The following MMS22L variants were observed in gnomAD, a reference collection of about 807,000 sequenced individuals.
The protein encoded by MMS22L is protein MMS22-like.
Under a neutral mutation model 159.1 loss-of-function variants are expected in MMS22L, and 74 were observed. The ratio of observed to expected loss-of-function variants is 0.47; its 90% CI spans 0.39 to 0.56. MMS22L has a LOEUF of 0.56. Among genes scored for constraint, MMS22L ranks in the 20% least tolerant of loss-of-function variants. The probability of loss-of-function intolerance (pLI) is 0.00; values close to 1 mark genes in which losing one functional copy is unlikely to be tolerated. For synonymous variants in MMS22L, 517 were observed against 506.9 expected (o/e 1.02, Z -0.27); for missense variants, 1,351 against 1,422.1 (o/e 0.95, Z 0.80).
Position 97,162,160 on chromosome 6 carries a change from G to C in MMS22L, c.3227C>G (p.Ser1076Cys). ...TGAGGACCCCTTATACTCAAGGTAG[G>C]ATTTCCTGAAAAGAAGCAAAATTTG... Reference protein sequence around the residue: ...KKCIVQVIRKSYLEYKGSSPP... With the variant: ...KKCIVQVIRKCYLEYKGSSPP... The change falls in exon 22 of 25, where the codon TCC (serine) becomes TGC (cysteine). Residue 1076 changes from serine to cysteine, a missense_variant. Physicochemically the swap from Ser to Cys is moderately radical, Grantham distance 112 (BLOSUM62 -1). Transcript: ENST00000683635. 6.3e-7 allele frequency: 1 copy of C among 1,588,422 alleles called. No individual in the cohort carries two copies. Among genetic ancestry groups the C allele is most frequent in the Non-Finnish European group, 8.5e-7 (1 of 1,172,636 alleles).
intron 14 of MMS22L, among the ~76,000 whole-genome samples, chr6:97,199,398 A>T (rs928763043): frequency 3.3e-5 from 5 of 152,120 alleles, no homozygotes; most frequent in Non-Finnish European, 5.9e-5. Context: ...TTTATAATTT[A>T]CCTTAACGGA....
intron 11 of MMS22L, among the ~76,000 whole-genome samples, chr6:97,236,843 C>T (rs1318418172): frequency 6.6e-6 from 1 of 151,602 alleles, no homozygotes; most frequent in Non-Finnish European, 1.5e-5. Flanking sequence ...CCCAGCTACT[C>T]AGAAGGCTGA....
rs371367537 is a variant in MMS22L at position 97,269,225 on chromosome 6, CAT to C, written c.697+675_697+676del. 1.4e-3 allele frequency among the ~76,000 whole-genome samples: 214 copies of C among 152,152 alleles called. 1 individual carries two copies. Among genetic ancestry groups the C allele is most frequent in the African/African-American group, 4.6e-3 (190 of 41,550 alleles). On this transcript the variant is annotated intron_variant, in intron 7 of 24. Coordinates refer to ENST00000683635, the MANE Select transcript of MMS22L (RefSeq NM_001350599.2). Reference sequence around the variant, plus strand: ...TAAAAAAAAGCCATTTCATTTTTCACATGTTAGCTGGCAAAAAATAAAATATA... The same window carrying C: ...TAAAAAAAAGCCATTTCATTTTTCACGTTAGCTGGCAAAAAATAAAATATA...
At chr6:97,221,560 T>C (rs1206830600) in intron 14 of MMS22L, among the ~76,000 whole-genome samples, 2 of 150,784 alleles carry the variant, frequency 1.3e-5, no homozygotes, top group African/African-American at 2.4e-5. Context: ...CTGAAAGATA[T>C]AAAAAATATT....
intron 12 of MMS22L, 100 bp from the exon 13 acceptor site, chr6:97,231,752 A>G (rs1810898348): frequency 3.8e-6 from 3 of 785,220 alleles, no homozygotes; most frequent in Non-Finnish European, 6.1e-6. Context: ...CAAAAGTCTG[A>G]CTCATCTTAA....
intron 21 of MMS22L, among the ~76,000 whole-genome samples, chr6:97,164,524 CTGAGT>C (rs1341812265): frequency 8.4e-6 from 1 of 119,480 alleles, no homozygotes; most frequent in African/African-American, 3.7e-5. Context: ...CTTAATAAAA[CTGAGT>C]TAAGACTAAA....
intron 4 of MMS22L, among the ~76,000 whole-genome samples, chr6:97,276,977 A>G (rs534176968): frequency 1.3e-5 from 2 of 152,234 alleles, no homozygotes; most frequent in South Asian, 4.1e-4. Context: ...CCAGGGACCC[A>G]TCAGATGATA....
At chr6:97,178,233 A>ATTCTTC (rs1804319952) in intron 18 of MMS22L, among the ~76,000 whole-genome samples, 2 of 152,100 alleles carry the variant, frequency 1.3e-5, no homozygotes, top group African/African-American at 4.8e-5. Context: ...ATTCTTCATT[A>ATTCTTC]ATGTAATTTT....
intron 6 of MMS22L, chr6:97,270,531 A>G (rs1488834837): frequency 7.3e-6 from 2 of 273,430 alleles, no homozygotes; most frequent in Non-Finnish European, 1.5e-5. Flanking sequence ...GTCAAAACCC[A>G]GCACTTTCAA....
intron 16 of MMS22L, among the ~76,000 whole-genome samples, chr6:97,180,957 G>A (rs1188293378): frequency 6.6e-6 from 1 of 152,092 alleles, no homozygotes; most frequent in Non-Finnish European, 1.5e-5. Flanking sequence ...ACGTTAAGAT[G>A]AGGGAAAATA....
At chr6:97,278,777 A>G in intron 4 of MMS22L, 72 bp downstream of exon 4, 1 of 1,268,378 alleles carries the variant, frequency 7.9e-7, no homozygotes, top group Non-Finnish European at 1.1e-6. Flanking sequence ...CAATTATACC[A>G]TCATGGACCC....
intron 14 of MMS22L, among the ~76,000 whole-genome samples, chr6:97,214,624 C>T (rs1441148648): frequency 1.3e-5 from 2 of 149,958 alleles, no homozygotes; most frequent in South Asian, 2.1e-4. Flanking sequence ...TAAAAAATTA[C>T]AGCTGTAGGA....
chr6:97,244,584 C>G (rs1391854401), intron 11 of MMS22L, among the ~76,000 whole-genome samples: 1 of 152,180 alleles, frequency 6.6e-6, no homozygotes, highest in Non-Finnish European at 1.5e-5. Context: ...AAAGACTAGA[C>G]TGGCTTAGTC....
intron 14 of MMS22L, among the ~76,000 whole-genome samples, chr6:97,213,901 C>CT (rs1388284110): frequency 6.6e-6 from 1 of 152,120 alleles, no homozygotes; most frequent in African/African-American, 2.4e-5. Flanking sequence ...AGCCTCCTAT[C>CT]TGTTTTTCCA....
chr6:97,159,962 T>C (rs1226618683), intron 22 of MMS22L, among the ~76,000 whole-genome samples: 2 of 148,578 alleles, frequency 1.3e-5, no homozygotes, highest in African/African-American at 4.9e-5. Context: ...TTTTTTTTTT[T>C]TTTTTTCATT....
intron 9 of MMS22L, among the ~76,000 whole-genome samples, chr6:97,262,437 G>A (rs1017607257): frequency 2.6e-5 from 4 of 151,846 alleles, no homozygotes; most frequent in African/African-American, 7.3e-5. Context: ...TTGAGGTCAG[G>A]AGTTCAAGAC....
chr6:97,217,554 C>T (rs1809156284), intron 14 of MMS22L, among the ~76,000 whole-genome samples: 1 of 152,092 alleles, frequency 6.6e-6, no homozygotes, highest in Non-Finnish European at 1.5e-5. Context: ...TGCACCCAGC[C>T]AAATAAAATC....
At chr6:97,220,957 G>GAC (rs71012586) in intron 14 of MMS22L, among the ~76,000 whole-genome samples, 2,469 of 143,510 alleles carry the variant, frequency 0.017, 32 homozygotes, top group East Asian at 0.056. Context: ...TAAGACCCCT[G>GAC]ACACACACAC....
Position 97,144,295 on chromosome 6 carries a change from T to C in MMS22L, c.*2511A>G, listed in dbSNP as rs1352035288. 1 of 152,106 alleles carries C rather than the reference T, an allele frequency of 6.6e-6. No homozygotes were observed. Among genetic ancestry groups the C allele is most frequent in the Non-Finnish European group, 1.5e-5 (1 of 68,012 alleles). The allele number at this position is 152,106 out of a possible 1,614,324, so 9.4% of individuals were successfully genotyped here. A position where few individuals can be genotyped will look rare whatever the true frequency, so the allele number is the denominator to read the frequency against. ...GACTGGTTCCAGGATCCCCTGTGCA[T>C]ACCATAATCTGCACTTACTCAAGTC... is the stretch of plus-strand genomic sequence containing the variant. On this transcript the variant is annotated 3_prime_UTR_variant, in exon 25 of 25. Coordinates refer to ENST00000683635, the MANE Select transcript of MMS22L (RefSeq NM_001350599.2).
Sources: gnomAD v4.1 joint callset for allele counts (sites outside exome capture counted in the v4.1 genomes callset) on GRCh38, gnomAD v4.1.1 for gene constraint, MANE v1.5 for transcripts, NCBI Gene and HGNC (gene_info 2026-07-23, HGNC 2026-07-21) for gene names.